ARPP21: variants seen among roughly 807,000 people sequenced by gnomAD.
ARPP21 encodes cAMP regulated phosphoprotein 21.
In ARPP21, 69 loss-of-function variants were observed where a neutral mutation model predicts 113.2. The observed-to-expected ratio is 0.61, with a 90% CI of 0.50 to 0.74. ARPP21 has a LOEUF of 0.74. Ranked by LOEUF, ARPP21 falls within the 30% of genes least tolerant of loss-of-function variation. ARPP21 has a pLI of 0.00. For missense variants in ARPP21, 1,070 were observed against 1,037.4 expected (o/e 1.03, Z -0.43); for synonymous variants, 368 against 375.5 (o/e 0.98, Z 0.23).
At chr3:35,730,990 T>C (rs529814722) in intron 15 of ARPP21, among the ~76,000 whole-genome samples, 5 of 152,308 alleles carry the variant, frequency 3.3e-5, no homozygotes, top group Middle Eastern at 3.4e-3. Flanking sequence ...GTAAGCACTA[T>C]AAAGAAAATC....
intron 15 of ARPP21, among the ~76,000 whole-genome samples, chr3:35,734,371 A>C (rs1174394695): frequency 6.6e-6 from 1 of 152,192 alleles, no homozygotes; most frequent in African/African-American, 2.4e-5. Context: ...AGCTAGAAGA[A>C]AGTTATTTTT....
In ARPP21 at chr3:35,682,487, A is replaced by G. The variant is rs116725971; in HGVS notation, c.130-361A>G. On this transcript the variant is annotated intron_variant, in intron 3 of 20. Transcript: ENST00000684406. Reference sequence around the variant, plus strand: ...CAAACTGCACTTACAAATAGCTTGTAAGTATTGATTTTCTTTTAACTAAAC... The same window carrying G: ...CAAACTGCACTTACAAATAGCTTGTGAGTATTGATTTTCTTTTAACTAAAC... The G allele has an allele frequency of 5.6e-3, 1,111 of 198,824 alleles. 13 individuals are homozygous for G. Among genetic ancestry groups the G allele is most frequent in the African/African-American group, 0.024 (1,053 of 43,532 alleles). 12.3% of individuals were successfully genotyped at this position (198,824 alleles called of 1,614,324 possible).
intron 11 of ARPP21, among the ~76,000 whole-genome samples, chr3:35,712,592 T>C (rs888422065): frequency 1.9e-5 from 2 of 107,300 alleles, no homozygotes; most frequent in African/African-American, 3.5e-5. Flanking sequence ...GTGTATGTGT[T>C]TGTGTGTGCT....
chr3:35,767,048 C>G (rs540708260), intron 19 of ARPP21, among the ~76,000 whole-genome samples: 3 of 152,230 alleles, frequency 2.0e-5, no homozygotes, highest in African/African-American at 7.2e-5. Context: ...AGTGAAACCA[C>G]TCTGTAAAGA....
intron 1 of ARPP21, among the ~76,000 whole-genome samples, chr3:35,672,047 G>A (rs1046478514): frequency 1.3e-5 from 2 of 151,952 alleles, no homozygotes; most frequent in African/African-American, 4.8e-5. Flanking sequence ...CATTAAGATA[G>A]ATTTTCAAAA....
At chr3:35,691,443 G>C (rs1362142750) in intron 9 of ARPP21, among the ~76,000 whole-genome samples, 1 of 151,438 alleles carries the variant, frequency 6.6e-6, no homozygotes, top group Non-Finnish European at 1.5e-5. Flanking sequence ...GTAATAAAAA[G>C]CTCCGAACCT....
At chr3:35,657,057 C>A (rs1705302074) in intron 1 of ARPP21, among the ~76,000 whole-genome samples, 1 of 152,002 alleles carries the variant, frequency 6.6e-6, no homozygotes, top group Non-Finnish European at 1.5e-5. Flanking sequence ...CTGACATAGT[C>A]CTTAACTGTG....
At chr3:35,650,179 A>G (rs1265063334) in intron 1 of ARPP21, 1 of 152,162 alleles carries the variant, frequency 6.6e-6, no homozygotes, top group African/African-American at 2.4e-5. Flanking sequence ...ATTCGAGAAC[A>G]CATTGTTTCA....
chr3:35,760,150 A>C (rs1407945288), intron 19 of ARPP21, among the ~76,000 whole-genome samples: 1 of 152,118 alleles, frequency 6.6e-6, no homozygotes, highest in African/African-American at 2.4e-5. Flanking sequence ...TAAAAACACT[A>C]AAAAGACATC....
At chr3:35,771,180 G>A (rs914556512) in intron 19 of ARPP21, among the ~76,000 whole-genome samples, 16 of 152,198 alleles carry the variant, frequency 1.1e-4, no homozygotes, top group Admixed American at 2.6e-4. Flanking sequence ...AGCATGGGAA[G>A]TCAGAGTGTT....
At chr3:35,759,674 C>CTGTGTGTGTGTGTGTGTG (rs1346888304) in intron 19 of ARPP21, among the ~76,000 whole-genome samples, 1 of 130,586 alleles carries the variant, frequency 7.7e-6, no homozygotes, top group African/African-American at 2.8e-5. Flanking sequence ...CATTTTCTCT[C>CTGTGTGTGTGTGTGTGTG]TCTGTGTGTG....
At chr3:35,762,494 A>C (rs1437482178) in intron 19 of ARPP21, among the ~76,000 whole-genome samples, 2 of 152,044 alleles carry the variant, frequency 1.3e-5, no homozygotes, top group Admixed American at 1.3e-4. Flanking sequence ...TCAGGTCCTC[A>C]TATATTTTCT....
chr3:35,662,009 G>A (rs959296370), intron 1 of ARPP21, among the ~76,000 whole-genome samples: 1 of 152,098 alleles, frequency 6.6e-6, no homozygotes, highest in Non-Finnish European at 1.5e-5. Flanking sequence ...TTTCGGAGGT[G>A]TTCACAAGTA....
chr3:35,700,965 C>T (rs1013412167), intron 9 of ARPP21, among the ~76,000 whole-genome samples: 5 of 151,524 alleles, frequency 3.3e-5, no homozygotes, highest in East Asian at 2.0e-4. Context: ...ACATGGCACA[C>T]GTATACCTAT....
chr3:35,763,342 T>G (rs2095847626), intron 19 of ARPP21, among the ~76,000 whole-genome samples: 1 of 152,114 alleles, frequency 6.6e-6, no homozygotes, highest in Admixed American at 6.6e-5. Context: ...GGTGACACAT[T>G]AGAGTTAATG....
intron 13 of ARPP21, among the ~76,000 whole-genome samples, chr3:35,719,990 G>A (rs1002454969): frequency 1.7e-4 from 26 of 152,254 alleles, no homozygotes; most frequent in African/African-American, 6.3e-4. Flanking sequence ...TTATTTCTCC[G>A]CTCTATCTCC....
intron 17 of ARPP21, among the ~76,000 whole-genome samples, chr3:35,738,873 C>T (rs1220371394): frequency 1.8e-4 from 27 of 152,134 alleles, no homozygotes; most frequent in Admixed American, 1.8e-3. Flanking sequence ...TGATACTGGT[C>T]CTGGCTCCAT....
At chr3:35,780,758 G>A (rs539051003) in intron 19 of ARPP21, among the ~76,000 whole-genome samples, 25 of 152,196 alleles carry the variant, frequency 1.6e-4, no homozygotes, top group Admixed American at 1.2e-3. Flanking sequence ...GAATCTAAGC[G>A]TCTGGGCATT....
At chr3:35,702,185 A>T (rs1011946979) in intron 9 of ARPP21, among the ~76,000 whole-genome samples, 2 of 151,804 alleles carry the variant, frequency 1.3e-5, no homozygotes, top group African/African-American at 4.8e-5. Context: ...TAGTTTCAAC[A>T]TAAATATGAT....
Sources: gnomAD v4.1 joint callset for allele counts (sites outside exome capture counted in the v4.1 genomes callset) on GRCh38, gnomAD v4.1.1 for gene constraint, MANE v1.5 for transcripts, NCBI Gene and HGNC (gene_info 2026-07-23, HGNC 2026-07-21) for gene names.